Variants in BSN observed in about 807,000 individuals in gnomAD.
BSN encodes the protein bassoon presynaptic cytomatrix protein, also known as protein bassoon.
In BSN, 57 loss-of-function variants were observed where a neutral mutation model predicts 264.8. That is an observed-to-expected ratio of 0.22 (90% CI 0.17 to 0.27). BSN has a LOEUF of 0.27. BSN is among the 10% of genes least tolerant of loss of function. BSN has a pLI of 1.00. For synonymous variants in BSN, 2,059 were observed against 2,137.3 expected (o/e 0.96, Z 1.01); for missense variants, 4,615 against 5,232.5 (o/e 0.88, Z 3.64).
intron 1 of BSN, among the ~76,000 whole-genome samples, chr3:49,578,435 T>A (rs1462424309): frequency 6.6e-6 from 1 of 150,710 alleles, no homozygotes; most frequent in Non-Finnish European, 1.5e-5. Context: ...TAAGACGGAG[T>A]CTCGCTCTGT....
intron 2 of BSN, among the ~76,000 whole-genome samples, chr3:49,639,379 T>C (rs930701613): frequency 7.2e-5 from 11 of 152,032 alleles, no homozygotes; most frequent in African/African-American, 2.4e-4. Context: ...TTTCTATTTT[T>C]AGTAGAGACG....
At chr3:49,595,967 A>G (rs927120557) in intron 1 of BSN, among the ~76,000 whole-genome samples, 2 of 152,238 alleles carry the variant, frequency 1.3e-5, no homozygotes, top group East Asian at 3.9e-4. Context: ...TCTAATCTAT[A>G]TGCCTTTTAT....
At chr3:49,612,236 C>T (rs557248858) in intron 1 of BSN, among the ~76,000 whole-genome samples, 10 of 151,890 alleles carry the variant, frequency 6.6e-5, no homozygotes, top group East Asian at 3.9e-4. Context: ...CCCGGGTTCA[C>T]GCCGTCCTCC....
At chr3:49,589,163 C>A (rs1217933899) in intron 1 of BSN, among the ~76,000 whole-genome samples, 1 of 151,036 alleles carries the variant, frequency 6.6e-6, no homozygotes, top group Non-Finnish European at 1.5e-5. Context: ...CCGCCCGCCT[C>A]GGCCTCCCAA....
In BSN at chr3:49,642,449, C is replaced by G; in HGVS notation, c.815C>G (p.Pro272Arg). ...GAGAGATCTCGGGGCCCAGGAGGAC[C>G]ACAGCCTGGGTCCCGCCAGGCTGAG... ...DQERSRGPGG[P>R]QPGSRQAETA... Residue 272 changes from proline (P) to arginine (R), a missense_variant, in exon 3 of 12, where the codon CCA becomes CGA. Transcript: ENST00000296452. The surrounding 1 kb of genome is among the most constrained non-coding windows in gnomAD (Gnocchi z 7.0). 1 of 1,594,490 alleles carries G rather than the reference C, an allele frequency of 6.3e-7. No individual in the cohort carries two copies. The highest frequency in any genetic ancestry group is 2.3e-5 in the East Asian group (1 of 44,242).
At chr3:49,573,475 C>T (rs2051814437) in intron 1 of BSN, among the ~76,000 whole-genome samples, 1 of 152,162 alleles carries the variant, frequency 6.6e-6, no homozygotes, top group South Asian at 2.1e-4. Context: ...GTTGTTCTGT[C>T]TTTCCTGTCC....
chr3:49,574,373 G>T (rs1194796636), intron 1 of BSN, among the ~76,000 whole-genome samples: 1 of 152,106 alleles, frequency 6.6e-6, no homozygotes, highest in Non-Finnish European at 1.5e-5. Context: ...GCTGACCAGG[G>T]ATCATACTCT....
At chr3:49,658,686 T>C (rs932953970) in intron 5 of BSN, among the ~76,000 whole-genome samples, 1 of 152,216 alleles carries the variant, frequency 6.6e-6, no homozygotes. Context: ...GGCCTAGCAC[T>C]AGAGGCCCAT....
At position 49,661,441 on chromosome 3, in the gene BSN, G is replaced by A. The variant is rs139579239; in HGVS notation, c.9596G>A (p.Arg3199Gln). The A allele has an allele frequency of 1.1e-5, 18 of 1,613,896 alleles. No homozygotes were observed. Among genetic ancestry groups the A allele is most frequent in the African/African-American group, 9.3e-5 (7 of 75,006 alleles). ...CAGGGCAAGGTCCCTGAGGTGCCCC[G>A]GGCTGGTGACCGTGGCAGTGTGAGC... ...YEQGKVPEVP[R>Q]AGDRGSVSQS... is the part of the protein sequence containing the mutation. The change falls in exon 6 of 12, where the codon CGG (arginine) becomes CAG (glutamine). Residue 3199 changes from arginine (R) to glutamine (Q), a missense_variant. This residue lies in a region of BSN where 3,415 missense variants were observed against 3,866.4 expected (regional missense o/e 0.88). Transcript: ENST00000296452.
At chr3:49,607,530 C>G (rs911607631) in intron 1 of BSN, among the ~76,000 whole-genome samples, 15 of 152,214 alleles carry the variant, frequency 9.9e-5, no homozygotes, top group Admixed American at 4.6e-4. Flanking sequence ...CATGCTCACA[C>G]ACACATGCAC....
In BSN at chr3:49,651,271, G is replaced by A. The variant is rs959228436; in HGVS notation, c.1986+192G>A. On this transcript the variant is annotated intron_variant, in intron 4 of 11. Coordinates refer to ENST00000296452, the MANE Select transcript of BSN (RefSeq NM_003458.4). The surrounding 1 kb of genome is among the most constrained non-coding windows in gnomAD (Gnocchi z 5.4). ...CTTGGAGACTGTGGGTTTTACACTG[G>A]TGCTGTGTCTGGCACCTTGTCAGAT... The A allele has an allele frequency of 1.5e-6, 1 of 652,806 alleles. No individual in the cohort carries two copies. The highest frequency in any genetic ancestry group is 2.5e-6 in the Non-Finnish European group (1 of 394,602). The allele number at this position is 652,806 out of a possible 1,614,324, so 40.4% of individuals were successfully genotyped here.
At position 49,654,907 on chromosome 3, in the gene BSN, C is replaced by A; in HGVS notation, c.5351C>A (p.Ala1784Asp). ...VKQVEQAVQT[A>D]PYRSGPRGRP... ...CAAGTAGAGCAGGCTGTCCAGACAG[C>A]CCCATACCGAAGTGGGCCCCGGGGA... Residue 1784 changes from alanine (A) to aspartate (D), a missense_variant, in exon 5 of 12, where the codon GCC becomes GAC. This residue lies in a region of BSN where 3,415 missense variants were observed against 3,866.4 expected (regional missense o/e 0.88). Coordinates refer to ENST00000296452, the MANE Select transcript of BSN (RefSeq NM_003458.4). This position sits in a 1 kb window ranked among gnomAD's most constrained non-coding sequence, Gnocchi z 4.1. 1 of 1,612,502 alleles carries A rather than the reference C, an allele frequency of 6.2e-7. No homozygotes were observed. Among genetic ancestry groups the A allele is most frequent in the South Asian group, 1.1e-5 (1 of 90,968 alleles).
At position 49,653,133 on chromosome 3, in the gene BSN, C is replaced by G. The variant is rs762606969; in HGVS notation, c.3577C>G (p.Arg1193Gly). Residue 1193 changes from arginine to glycine, a missense_variant, in exon 5 of 12, where the codon CGC (arginine) becomes GGC (glycine). Physicochemically the swap from Arg to Gly is moderately radical, Grantham distance 125. Transcript: ENST00000296452. This position sits in a 1 kb window ranked among gnomAD's most constrained non-coding sequence, Gnocchi z 6.3. ...SAEEAYEEMM[R>G]KAELLQRQQG... The stretch of plus-strand genomic sequence containing the variant: ...TGAGGAGGCTTATGAGGAGATGATG[C>G]GCAAAGCTGAGCTGCTCCAGAGGCA... 1 of 1,613,166 alleles carries G rather than the reference C, an allele frequency of 6.2e-7. No homozygotes were observed. The highest frequency in any genetic ancestry group is 1.7e-5 in the Admixed American group (1 of 59,978).
intron 9 of BSN, 59 bp from the exon 10 acceptor site, chr3:49,664,740 C>T (rs1206070488): frequency 1.2e-6 from 2 of 1,602,318 alleles, no homozygotes; most frequent in African/African-American, 1.3e-5. Context: ...CCAAGTGGCC[C>T]TGACTGGGAG....
chr3:49,662,129 G>A lies in BSN; in HGVS notation c.10284G>A (p.Arg3428=). The A allele has an allele frequency of 6.2e-7, 1 of 1,613,534 alleles. No individual in the cohort carries two copies. Residue 3428 remains arginine (R), a synonymous_variant, in exon 6 of 12, where the codon CGG becomes CGA. Coordinates refer to ENST00000296452, the MANE Select transcript of BSN (RefSeq NM_003458.4). ...AAAAATACTATGGGATGTCCAGCCGGGACGCAGTGGAGGACGACCGCATTT... is the reference window on the plus strand; with the variant it reads ...AAAAATACTATGGGATGTCCAGCCGAGACGCAGTGGAGGACGACCGCATTT... ...EQQKYYGMSS[R]DAVEDDRIYG...
Position 49,671,151 on chromosome 3 carries a change from TGCGTGC to T in BSN, c.*3668_*3673del, listed in dbSNP as rs1396561675. 27 of 51,380 alleles carry T rather than the reference TGCGTGC, an allele frequency of 5.3e-4. 1 individual carries two copies. The East Asian group carries it at 0.011, about 20-fold the overall frequency. 3.2% of individuals were successfully genotyped at this position (51,380 alleles called of 1,614,324 possible). A position where few individuals can be genotyped will look rare whatever the true frequency, so the allele number is the denominator to read the frequency against. ...ATGATCATGTGTGTATGTGCGTGCG[TGCGTGC>T]GTGTGTGTGTGTGTGTGTGTTTCTG... On this transcript the variant is annotated 3_prime_UTR_variant, in exon 12 of 12. Transcript: ENST00000296452. The surrounding 1 kb of genome is among the most constrained non-coding windows in gnomAD (Gnocchi z 4.1).
In BSN at chr3:49,671,287, T is replaced by C. The variant is rs2052756377; in HGVS notation, c.*3802T>C. ...TTTCCTCTAGCTTTCATGTCTTGTT[T>C]TTGCTTTCCCCTTCCTCCTCCCTCT... On this transcript the variant is annotated 3_prime_UTR_variant, in exon 12 of 12. Transcript: ENST00000296452. The surrounding 1 kb of genome is among the most constrained non-coding windows in gnomAD (Gnocchi z 4.1). 6.6e-6 allele frequency: 1 copy of C among 152,560 alleles called. No homozygotes were observed. The highest frequency in any genetic ancestry group is 6.5e-5 in the Admixed American group (1 of 15,278). 9.5% of individuals were successfully genotyped at this position (152,560 alleles called of 1,614,324 possible). A position where few individuals can be genotyped will look rare whatever the true frequency, so the allele number is the denominator to read the frequency against.
chr3:49,661,929 A>C lies in BSN; in HGVS notation c.10084A>C (p.Lys3362Gln). 6.2e-7 allele frequency: 1 copy of C among 1,613,918 alleles called. No homozygotes were observed. The highest frequency in any genetic ancestry group is 1.1e-5 in the South Asian group (1 of 91,086). ...AISSKRSKHR[K>Q]QGMEQKISKF... is the part of the protein sequence containing the mutation. ...CTCCTCAAAGCGCAGCAAGCACCGG[A>C]AGCAGGGCATGGAGCAAAAGATATC... is the stretch of plus-strand genomic sequence containing the variant. The change falls in exon 6 of 12, where the codon AAG becomes CAG. Residue 3362 changes from lysine to glutamine, a missense_variant. Lys to Gln is a moderately conservative substitution (Grantham distance 53, BLOSUM62 1). Transcript: ENST00000296452.
chr3:49,604,986 G>A (rs922324650), intron 1 of BSN, among the ~76,000 whole-genome samples: 1 of 151,848 alleles, frequency 6.6e-6, no homozygotes, highest in East Asian at 1.9e-4. Context: ...CAGGCTGGGC[G>A]CGGTAGCTCA....
Sources: gnomAD v4.1 joint callset for allele counts (sites outside exome capture counted in the v4.1 genomes callset) on GRCh38, gnomAD v4.1.1 for gene constraint, gnomAD v4.1.1 regional missense constraint, Gnocchi (gnomAD v3.1) non-coding constraint, MANE v1.5 for transcripts, NCBI Gene and HGNC (gene_info 2026-07-23, HGNC 2026-07-21) for gene names.